Variants in RBPMS observed in about 807,000 individuals in gnomAD.
The protein encoded by RBPMS is RNA-binding protein with multiple splicing.
In RBPMS, 7 loss-of-function variants were observed where a neutral mutation model predicts 26.8. That is an observed-to-expected ratio of 0.26 (90% CI 0.15 to 0.49). The LOEUF is 0.49. Among genes scored for constraint, RBPMS ranks in the 20% least tolerant of loss-of-function variants. The probability of loss-of-function intolerance (pLI) is 0.98; values close to 1 mark genes in which losing one functional copy is unlikely to be tolerated. For missense variants in RBPMS, 186 were observed against 250.0 expected (o/e 0.74, Z 1.73); for synonymous variants, 96 against 93.3 (o/e 1.03, Z -0.17).
rs1828235637 is a variant in RBPMS, at chr8:30,571,120, TAGAAAC to T, written c.*600_*605del. 1 of 152,046 alleles carries T rather than the reference TAGAAAC, an allele frequency of 6.6e-6. No homozygotes were observed. The highest frequency in any genetic ancestry group is 2.1e-4 in the South Asian group (1 of 4,828). The allele number at this position is 152,046 out of a possible 1,614,324, so 9.4% of individuals were successfully genotyped here. A position where few individuals can be genotyped will look rare whatever the true frequency, so the allele number is the denominator to read the frequency against. On this transcript the variant is annotated 3_prime_UTR_variant, in exon 9 of 9. Coordinates refer to ENST00000397323, the MANE Select transcript of RBPMS (RefSeq NM_001008710.3). ...AAATTAGTAGCATGGTGTTAGATGTTAGAAACAGAACTGTTATTTGCAGTGTTAGGT... is the reference window on the plus strand; with the variant it reads ...AAATTAGTAGCATGGTGTTAGATGTTAGAACTGTTATTTGCAGTGTTAGGT...
intron 1 of RBPMS, among the ~76,000 whole-genome samples, chr8:30,474,309 T>G (rs1378107324): frequency 1.3e-5 from 2 of 152,188 alleles, no homozygotes; most frequent in Non-Finnish European, 2.9e-5. Flanking sequence ...GTTTTTATAT[T>G]ATTTTTGAAG....
intron 5 of RBPMS, among the ~76,000 whole-genome samples, chr8:30,522,673 C>T (rs958725824): frequency 2.6e-5 from 4 of 152,076 alleles, no homozygotes; most frequent in African/African-American, 9.7e-5. Context: ...GTGAGAGTTT[C>T]ATAGGTATAT....
At chr8:30,458,345 G>A (rs1245408056) in intron 1 of RBPMS, among the ~76,000 whole-genome samples, 1 of 152,158 alleles carries the variant, frequency 6.6e-6, no homozygotes, top group Non-Finnish European at 1.5e-5. Flanking sequence ...TTTTCTGAAT[G>A]TTCTACAAAT....
At chr8:30,531,206 G>A (rs1413966670) in intron 5 of RBPMS, among the ~76,000 whole-genome samples, 1 of 151,996 alleles carries the variant, frequency 6.6e-6, no homozygotes, top group Non-Finnish European at 1.5e-5. Context: ...GATTTGTAGG[G>A]GACCTTGCCT....
chr8:30,536,128 CTT>C (rs11440225), intron 5 of RBPMS, among the ~76,000 whole-genome samples: 18 of 138,158 alleles, frequency 1.3e-4, no homozygotes, highest in Admixed American at 2.2e-4. Flanking sequence ...TCATCTCTCT[CTT>C]TTTTTTTTTT....
At chr8:30,487,681 T>A (rs1818935075) in intron 4 of RBPMS, among the ~76,000 whole-genome samples, 1 of 151,966 alleles carries the variant, frequency 6.6e-6, no homozygotes, top group South Asian at 2.1e-4. Flanking sequence ...ATGTGAAAAA[T>A]TATATATGTA....
intron 4 of RBPMS, among the ~76,000 whole-genome samples, chr8:30,480,916 T>C (rs1818203806): frequency 6.6e-6 from 1 of 152,216 alleles, no homozygotes; most frequent in Non-Finnish European, 1.5e-5. Flanking sequence ...CCATGTTCTT[T>C]TCATTGTTCT....
At chr8:30,464,362 G>A (rs1816269251) in intron 1 of RBPMS, among the ~76,000 whole-genome samples, 1 of 152,030 alleles carries the variant, frequency 6.6e-6, no homozygotes, top group African/African-American at 2.4e-5. Flanking sequence ...TGGCACCAAG[G>A]AATTTAAACT....
chr8:30,415,961 C>A (rs1810023195), intron 1 of RBPMS, among the ~76,000 whole-genome samples: 1 of 152,168 alleles, frequency 6.6e-6, no homozygotes, highest in South Asian at 2.1e-4. Context: ...TTTAACGTAA[C>A]ACAATGAATC....
intron 1 of RBPMS, among the ~76,000 whole-genome samples, chr8:30,447,270 C>T (rs1813977424): frequency 6.6e-6 from 1 of 152,128 alleles, no homozygotes. Flanking sequence ...AAACTGAACA[C>T]TTCTGGGCCC....
At chr8:30,486,512 A>G (rs1484896152) in intron 4 of RBPMS, among the ~76,000 whole-genome samples, 2 of 151,728 alleles carry the variant, frequency 1.3e-5, no homozygotes, top group Non-Finnish European at 2.9e-5. Flanking sequence ...GGCTGCCTGT[A>G]ATTCCAGCTA....
intron 6 of RBPMS, among the ~76,000 whole-genome samples, chr8:30,554,660 T>G (rs974580181): frequency 6.6e-6 from 1 of 152,206 alleles, no homozygotes; most frequent in African/African-American, 2.4e-5. Context: ...GTTTATTGGA[T>G]GCCTCTCCCA....
chr8:30,545,322 TA>T, intron 6 of RBPMS: 3 of 1,165,012 alleles, frequency 2.6e-6, no homozygotes, highest in Non-Finnish European at 3.2e-6. Context: ...GTCTACATAC[TA>T]ACACTTCCTC....
At chr8:30,530,704 C>T (rs1213416291) in intron 5 of RBPMS, among the ~76,000 whole-genome samples, 1 of 152,156 alleles carries the variant, frequency 6.6e-6, no homozygotes, top group African/African-American at 2.4e-5. Context: ...TCAGGTGATC[C>T]GCCTGCCTCG....
intron 1 of RBPMS, among the ~76,000 whole-genome samples, chr8:30,472,796 C>T (rs1344423115): frequency 6.6e-6 from 1 of 152,160 alleles, no homozygotes; most frequent in East Asian, 1.9e-4. Flanking sequence ...CTAGAAAAAG[C>T]CAGGCGAGGT....
At chr8:30,468,630 AAGTC>A (rs762364352) in intron 1 of RBPMS, among the ~76,000 whole-genome samples, 72 of 152,142 alleles carry the variant, frequency 4.7e-4, no homozygotes, top group Admixed American at 3.7e-3. Context: ...ATATGTTTCT[AAGTC>A]AGTCGAGATA....
intron 4 of RBPMS, among the ~76,000 whole-genome samples, chr8:30,492,027 G>A (rs1020561973): frequency 3.9e-5 from 6 of 152,214 alleles, no homozygotes; most frequent in Admixed American, 2.6e-4. Context: ...GAGTAGCTGG[G>A]ATTACAGGCG....
intron 1 of RBPMS, among the ~76,000 whole-genome samples, chr8:30,425,844 CTGAGCCCCATTTCA>C (rs908859704): frequency 2.6e-5 from 4 of 152,268 alleles, no homozygotes; most frequent in African/African-American, 9.6e-5. Context: ...AGGTACAGTT[CTGAGCCCCATTTCA>C]TGGGTAAAAA....
intron 1 of RBPMS, among the ~76,000 whole-genome samples, chr8:30,455,102 C>CA (rs1233934783): frequency 6.6e-6 from 1 of 152,230 alleles, no homozygotes; most frequent in African/African-American, 2.4e-5. Context: ...GGATTACAGG[C>CA]ATGAGCCACC....
Sources: gnomAD v4.1 joint callset for allele counts (sites outside exome capture counted in the v4.1 genomes callset) on GRCh38, gnomAD v4.1.1 for gene constraint, MANE v1.5 for transcripts, NCBI Gene and HGNC (gene_info 2026-07-23, HGNC 2026-07-21) for gene names.